The following ZNF519 variants were observed in gnomAD, a reference collection of about 807,000 sequenced individuals.
ZNF519 encodes similar to Zinc finger protein 85 (Zinc finger protein HPF4) (HTF1).
ZNF519 carries 7 observed loss-of-function variants against 7.4 expected under a neutral mutation model. The ratio of observed to expected loss-of-function variants is 0.94; its 90% CI spans 0.54 to 1.77. The LOEUF (loss-of-function observed/expected upper bound fraction) is 1.77, where lower values mean the gene tolerates loss of function less well. Among genes scored for constraint, ZNF519 ranks in the 40% most tolerant of loss-of-function variants. ZNF519 has a pLI of 0.00. For missense variants in ZNF519, 586 were observed against 623.1 expected (o/e 0.94, Z 0.63); for synonymous variants, 179 against 203.3 (o/e 0.88, Z 1.02).
intron 2 of ZNF519, among the ~76,000 whole-genome samples, chr18:14,109,382 G>T (rs562245644): frequency 6.6e-6 from 1 of 152,122 alleles, no homozygotes; most frequent in African/African-American, 2.4e-5. Context: ...GATATTTACA[G>T]AACATTTTAT....
At chr18:14,074,574 T>C (rs2046040546), downstream of ZNF519, 1 of 152,636 alleles carries the variant, frequency 6.6e-6, no homozygotes, top group African/African-American at 2.4e-5. Context: ...AGTTCAAAGT[T>C]CCACAAATCT....
chr18:14,132,122 G>C (rs994188906), intron 1 of ZNF519, among the ~76,000 whole-genome samples, 153 bp downstream of exon 1: 3 of 152,132 alleles, frequency 2.0e-5, no homozygotes, highest in Non-Finnish European at 2.9e-5. Flanking sequence ...CGCCGTGCAG[G>C]GACAGGACAG....
chr18:14,107,488 G>A (rs2046199137), intron 2 of ZNF519, among the ~76,000 whole-genome samples: 1 of 152,186 alleles, frequency 6.6e-6, no homozygotes, highest in African/African-American at 2.4e-5. Context: ...CTAGAATCAG[G>A]TGAGACTCAG....
intron 2 of ZNF519, among the ~76,000 whole-genome samples, chr18:14,117,047 T>G (rs900336648): frequency 6.6e-6 from 1 of 152,078 alleles, no homozygotes; most frequent in African/African-American, 2.4e-5. Context: ...GATTATGACA[T>G]TGGTCTCAGC....
At chr18:14,087,341 A>G (rs1429361277) in intron 2 of ZNF519, among the ~76,000 whole-genome samples, 1 of 152,364 alleles carries the variant, frequency 6.6e-6, no homozygotes. Flanking sequence ...TAGCCAGACC[A>G]ATCAGGTAAG....
At chr18:14,106,798 G>C (rs1232098731) in intron 2 of ZNF519, among the ~76,000 whole-genome samples, 1 of 152,104 alleles carries the variant, frequency 6.6e-6, no homozygotes, top group African/African-American at 2.4e-5. Context: ...ACACTTGGGA[G>C]ATAGAGAACA....
At position 14,101,845 on chromosome 18, in the gene ZNF519, G is replaced by C. The variant is rs1478709740; in HGVS notation, c.*3072C>G. ...CTTGGCTGACCTGGCCTCTTCTGTC[G>C]AGTCTTTCCATTCCCCAAATCAGGC... On this transcript the variant is annotated 3_prime_UTR_variant, in exon 3 of 3. Coordinates refer to ENST00000590202, the MANE Select transcript of ZNF519 (RefSeq NM_145287.4). 3 of 397,718 alleles carry C rather than the reference G, an allele frequency of 7.5e-6. No individual in the cohort carries two copies. The highest frequency in any genetic ancestry group is 8.9e-6 in the Non-Finnish European group (2 of 225,854). The allele number at this position is 397,718 out of a possible 1,614,324, so 24.6% of individuals were successfully genotyped here. A position where few individuals can be genotyped will look rare whatever the true frequency, so the allele number is the denominator to read the frequency against.
intron 3 of ZNF519, chr18:14,082,473 CCTGACTCTTGCCACAGAA>C (rs2046074250): frequency 3.3e-5 from 5 of 152,148 alleles, no homozygotes; most frequent in Admixed American, 3.3e-4. Context: ...CGAGAGTTTC[CCTGACTCTTGCCACAGAA>C]CTGACAACAG....
At chr18:14,107,451 G>A (rs760057325) in intron 2 of ZNF519, among the ~76,000 whole-genome samples, 1 of 152,188 alleles carries the variant, frequency 6.6e-6, no homozygotes, top group African/African-American at 2.4e-5. Context: ...AGTTTGCTAT[G>A]AGCTTTCATT....
chr18:14,102,298 G>C lies in ZNF519; in HGVS notation c.*2619C>G, dbSNP rs1293828674. 6.6e-6 allele frequency: 1 copy of C among 152,128 alleles called. No individual in the cohort carries two copies. The highest frequency in any genetic ancestry group is 1.9e-4 in the East Asian group (1 of 5,200). 9.4% of individuals were successfully genotyped at this position (152,128 alleles called of 1,614,324 possible). A position where few individuals can be genotyped will look rare whatever the true frequency, so the allele number is the denominator to read the frequency against. ...TTTTCCTGTCTCAGCCTCCCAAGTA[G>C]CTGGGATTACAGGAGCCCACCACCA... On this transcript the variant is annotated 3_prime_UTR_variant, in exon 3 of 3. Transcript: ENST00000590202.
At chr18:14,071,514 AGAT>A (rs1455391817), downstream of ZNF519, 6 of 152,236 alleles carry the variant, frequency 3.9e-5, no homozygotes, top group African/African-American at 1.4e-4. Flanking sequence ...CATACATCAC[AGAT>A]GATGAAAGAA....
downstream of ZNF519, among the ~76,000 whole-genome samples, chr18:14,097,927 C>T (rs1269550464): frequency 6.6e-6 from 1 of 152,130 alleles, no homozygotes; most frequent in Non-Finnish European, 1.5e-5. Flanking sequence ...AGGTGAGTAA[C>T]AAACACAATG....
chr18:14,131,387 G>A (rs1430605078), intron 1 of ZNF519, among the ~76,000 whole-genome samples: 1 of 152,210 alleles, frequency 6.6e-6, no homozygotes, highest in Admixed American at 6.5e-5. Flanking sequence ...ATGTATGGGA[G>A]CGTAGAAGTT....
downstream of ZNF519, among the ~76,000 whole-genome samples, chr18:14,096,572 G>C (rs1327894175): frequency 6.6e-6 from 1 of 152,054 alleles, no homozygotes; most frequent in Non-Finnish European, 1.5e-5. Flanking sequence ...CTGGAGTAGA[G>C]TGGCATGGTC....
At chr18:14,080,314 A>AGTT (rs2046065582) in intron 3 of ZNF519, 1 of 55,954 alleles carries the variant, frequency 1.8e-5, no homozygotes, top group Non-Finnish European at 3.4e-5. Flanking sequence ...ACAATTTGAC[A>AGTT]GTTTTTTTTT....
At chr18:14,084,834 C>G (rs1383415547) in intron 3 of ZNF519, 1 of 152,100 alleles carries the variant, frequency 6.6e-6, no homozygotes. Context: ...AGAAAGTATT[C>G]TGGAAAACTT....
At chr18:14,119,750 C>T (rs907077576) in intron 2 of ZNF519, among the ~76,000 whole-genome samples, 27 of 152,112 alleles carry the variant, frequency 1.8e-4, no homozygotes, top group African/African-American at 6.3e-4. Flanking sequence ...AGCACTGCAC[C>T]AGGCTCAGCA....
At chr18:14,118,029 A>C (rs2046253523) in intron 2 of ZNF519, among the ~76,000 whole-genome samples, 1 of 152,288 alleles carries the variant, frequency 6.6e-6, no homozygotes, top group Non-Finnish European at 1.5e-5. Flanking sequence ...ATGAATAGGT[A>C]ATTTTTAAAG....
chr18:14,109,663 T>C (rs551900764), intron 2 of ZNF519, among the ~76,000 whole-genome samples: 2 of 152,256 alleles, frequency 1.3e-5, no homozygotes, highest in South Asian at 4.1e-4. Context: ...TTCTGAAATA[T>C]GTGATCATGG....
Sources: allele counts gnomAD v4.1 joint callset (sites outside exome capture counted in the v4.1 genomes callset), GRCh38; gene constraint gnomAD v4.1.1; transcripts MANE v1.5; gene names NCBI Gene and HGNC (gene_info 2026-07-23, HGNC 2026-07-21).